Variants in SGCD observed in about 807,000 individuals in gnomAD.
SGCD encodes the protein delta-sarcoglycan.
Under a neutral mutation model 36.6 loss-of-function variants are expected in SGCD, and 18 were observed. The observed-to-expected ratio is 0.49, with a 90% CI of 0.34 to 0.73. SGCD has a LOEUF of 0.73. SGCD is among the 30% of genes least tolerant of loss of function. The probability of loss-of-function intolerance (pLI) is 0.01; values close to 1 mark genes in which losing one functional copy is unlikely to be tolerated. For synonymous variants in SGCD, 133 were observed against 130.6 expected (o/e 1.02, Z -0.12); for missense variants, 387 against 346.7 (o/e 1.12, Z -0.92).
the SGCD span, among the ~76,000 whole-genome samples, chr5:155,816,237 C>G: frequency 6.6e-6 from 1 of 152,110 alleles, no homozygotes; most frequent in Non-Finnish European, 1.5e-5. Context: ...GCACAAATGA[C>G]CATCCTCATA....
At chr5:155,838,841 A>T in the SGCD span, among the ~76,000 whole-genome samples, 1 of 151,984 alleles carries the variant, frequency 6.6e-6, no homozygotes, top group African/African-American at 2.4e-5. Flanking sequence ...TATTTTTCAT[A>T]AAAATGTGCT....
intron 3 of SGCD, among the ~76,000 whole-genome samples, chr5:156,504,399 TATATATATATATATATATA>T (rs1756605115): frequency 4.0e-5 from 1 of 24,726 alleles, no homozygotes; most frequent in Non-Finnish European, 1.0e-4. Flanking sequence ...TGTGTATATA[TATATATATATATATATATA>T]TATATATGTC....
At chr5:156,185,212 C>CTTTTTTTTTTTTT (rs755578762) in intron 3 of SGCD, among the ~76,000 whole-genome samples, 1 of 113,232 alleles carries the variant, frequency 8.8e-6, no homozygotes, top group African/African-American at 3.5e-5. Context: ...CTTTAATTTT[C>CTTTTTTTTTTTTT]TTTTTTTTTT....
chr5:156,678,377 T>C (rs963026700), intron 7 of SGCD, among the ~76,000 whole-genome samples: 1 of 152,202 alleles, frequency 6.6e-6, no homozygotes, highest in African/African-American at 2.4e-5. Context: ...GGTAAAGTTT[T>C]AGAATAACTA....
intron 3 of SGCD, among the ~76,000 whole-genome samples, chr5:156,313,607 G>A (rs188572871): frequency 1.9e-3 from 293 of 152,150 alleles, no homozygotes; most frequent in African/African-American, 7.0e-3. Flanking sequence ...ATAAATCTAA[G>A]TACCTCCGAA....
At chr5:156,346,874 T>A (rs1429512182) in intron 3 of SGCD, among the ~76,000 whole-genome samples, 1 of 152,094 alleles carries the variant, frequency 6.6e-6, no homozygotes, top group East Asian at 1.9e-4. Context: ...CTCGGCTCAC[T>A]GCCAGCTCCA....
intron 3 of SGCD, among the ~76,000 whole-genome samples, chr5:156,260,923 G>A (rs979088982): frequency 2.6e-5 from 4 of 152,040 alleles, no homozygotes; most frequent in Admixed American, 6.6e-5. Context: ...ATCTATGAAG[G>A]TGGTTATGCT....
At chr5:156,304,056 G>C (rs1375841804) in intron 3 of SGCD, among the ~76,000 whole-genome samples, 1 of 152,086 alleles carries the variant, frequency 6.6e-6, no homozygotes, top group Non-Finnish European at 1.5e-5. Flanking sequence ...TGCAGTCCTT[G>C]TGGCCTAGAC....
At chr5:155,884,264 G>A (rs1755956731) in intron 1 of SGCD, among the ~76,000 whole-genome samples, 1 of 152,118 alleles carries the variant, frequency 6.6e-6, no homozygotes, top group Admixed American at 6.5e-5. Context: ...TTGTCTTTCT[G>A]TGTCTGGAAG....
intron 4 of SGCD, among the ~76,000 whole-genome samples, chr5:156,570,961 C>A (rs141211925): frequency 1.3e-5 from 2 of 152,130 alleles, no homozygotes; most frequent in Non-Finnish European, 2.9e-5. Flanking sequence ...CAATTTTGTA[C>A]ATGTTATGGA....
chr5:156,627,463 C>A (rs951278512), intron 6 of SGCD, among the ~76,000 whole-genome samples: 1 of 152,232 alleles, frequency 6.6e-6, no homozygotes, highest in East Asian at 1.9e-4. Flanking sequence ...ATAAAATGGG[C>A]AGCTTCTAAA....
the SGCD span, among the ~76,000 whole-genome samples, chr5:155,803,068 A>C: frequency 6.6e-6 from 1 of 152,212 alleles, no homozygotes; most frequent in African/African-American, 2.4e-5. Context: ...ATGGGAAAAA[A>C]TCCAGATATA....
chr5:156,151,104 G>A (rs1229414327), intron 3 of SGCD, among the ~76,000 whole-genome samples: 4 of 151,680 alleles, frequency 2.6e-5, no homozygotes. Context: ...ACATCAGGGG[G>A]AGCCAATGGA....
At chr5:155,920,170 A>G (rs1756842932) in intron 1 of SGCD, among the ~76,000 whole-genome samples, 4 of 152,184 alleles carry the variant, frequency 2.6e-5, no homozygotes, top group Admixed American at 2.6e-4. Flanking sequence ...TGGTTGGGAC[A>G]CACTGCAATA....
At chr5:156,646,341 G>C (rs1215431195) in intron 6 of SGCD, among the ~76,000 whole-genome samples, 1 of 152,146 alleles carries the variant, frequency 6.6e-6, no homozygotes, top group African/African-American at 2.4e-5. Context: ...AGCTTAGCCT[G>C]GCATTGAGAA....
chr5:156,073,489 G>A (rs901626275), intron 1 of SGCD, among the ~76,000 whole-genome samples: 6 of 152,190 alleles, frequency 3.9e-5, no homozygotes, highest in African/African-American at 1.4e-4. Context: ...CGTGAGCCCA[G>A]GAGGTGGAGG....
chr5:156,055,218 CT>C lies in SGCD; in HGVS notation c.-281-62652del, dbSNP rs1200493459. Among the ~76,000 whole-genome samples, 2 of 137,594 alleles carry C rather than the reference CT, an allele frequency of 1.5e-5. 1 individual carries two copies. The highest frequency in any genetic ancestry group is 3.3e-5 in the Non-Finnish European group (2 of 61,148). The allele number at this position is 137,594 out of a possible 152,430, so 90.3% of individuals were successfully genotyped here. On this transcript the variant is annotated intron_variant, in intron 1 of 9. Transcript: ENST00000517913. ...TTTTTTTTCTTTCTTTCTTTCTTTT[CT>C]TTTTTTTCTTAAAAGACAAAATAAA...
At chr5:156,127,707 A>G (rs146955295) in intron 3 of SGCD, among the ~76,000 whole-genome samples, 92 of 152,152 alleles carry the variant, frequency 6.0e-4, no homozygotes, top group East Asian at 4.6e-3. Context: ...AGAGCACCAC[A>G]TTACTTCAAA....
At chr5:156,387,025 T>TG (rs1364383816) in intron 3 of SGCD, among the ~76,000 whole-genome samples, 2 of 152,206 alleles carry the variant, frequency 1.3e-5, no homozygotes, top group Admixed American at 1.3e-4. Flanking sequence ...GAATGCCTAA[T>TG]GGATTCTGAA....
Sources: gnomAD v4.1 joint callset for allele counts (sites outside exome capture counted in the v4.1 genomes callset) on GRCh38, gnomAD v4.1.1 for gene constraint, MANE v1.5 for transcripts, NCBI Gene and HGNC (gene_info 2026-07-23, HGNC 2026-07-21) for gene names.